Variants in IQGAP2 observed in about 807,000 individuals in gnomAD.
IQGAP2 encodes ras GTPase-activating-like protein IQGAP2.
Under a neutral mutation model 201.3 loss-of-function variants are expected in IQGAP2, and 173 were observed. That is an observed-to-expected ratio of 0.86 (90% CI 0.76 to 0.98). The LOEUF is 0.98. Among genes scored for constraint, IQGAP2 ranks in the 50% least tolerant of loss-of-function variants. The pLI is 0.00. For synonymous variants in IQGAP2, 675 were observed against 673.9 expected (o/e 1.00, Z -0.03); for missense variants, 1,687 against 1,864.8 (o/e 0.90, Z 1.76).
At chr5:76,453,403 TA>T (rs1380707526) in intron 1 of IQGAP2, among the ~76,000 whole-genome samples, 1 of 152,262 alleles carries the variant, frequency 6.6e-6, no homozygotes, top group African/African-American at 2.4e-5. Context: ...AACCCACTTG[TA>T]ACCAAGAGAT....
intron 2 of IQGAP2, among the ~76,000 whole-genome samples, chr5:76,518,986 C>T (rs1225904810): frequency 6.6e-6 from 1 of 152,128 alleles, no homozygotes; most frequent in African/African-American, 2.4e-5. Flanking sequence ...GCTCCCATAC[C>T]AGAGAAGATG....
intron 2 of IQGAP2, among the ~76,000 whole-genome samples, chr5:76,480,621 A>G (rs1755717725): frequency 6.6e-6 from 1 of 152,136 alleles, no homozygotes; most frequent in African/African-American, 2.4e-5. Flanking sequence ...CTTCCATATT[A>G]TTGTTCTGTA....
At chr5:76,430,234 C>T (rs1207628376) in intron 1 of IQGAP2, among the ~76,000 whole-genome samples, 9 of 109,766 alleles carry the variant, frequency 8.2e-5, no homozygotes, top group African/African-American at 3.0e-4. Flanking sequence ...GTCAGGAATC[C>T]AGACAGGGCA....
intron 2 of IQGAP2, among the ~76,000 whole-genome samples, chr5:76,486,820 C>T (rs1284527754): frequency 1.3e-5 from 2 of 152,140 alleles, no homozygotes; most frequent in East Asian, 3.9e-4. Flanking sequence ...CCATTACAAG[C>T]TCAGTTATAA....
At chr5:76,597,386 G>A (rs1747107164) in intron 9 of IQGAP2, 53 bp from the exon 10 acceptor site, 14 of 1,583,244 alleles carry the variant, frequency 8.8e-6, no homozygotes, top group Admixed American at 1.7e-5. Flanking sequence ...GGTTGGGTGA[G>A]ACTGCAGTGG....
intron 2 of IQGAP2, among the ~76,000 whole-genome samples, chr5:76,532,364 C>T (rs988858184): frequency 1.3e-5 from 2 of 151,472 alleles, no homozygotes; most frequent in African/African-American, 4.9e-5. Context: ...AGAAAAAAAA[C>T]CCATATGGAT....
chr5:76,523,582 A>G (rs538256600), intron 2 of IQGAP2, among the ~76,000 whole-genome samples: 1 of 152,304 alleles, frequency 6.6e-6, no homozygotes, highest in South Asian at 2.1e-4. Flanking sequence ...TGTTACAAGT[A>G]TAGTGTGTGG....
intron 2 of IQGAP2, among the ~76,000 whole-genome samples, chr5:76,507,928 G>A (rs541118924): frequency 2.1e-5 from 3 of 146,340 alleles, no homozygotes; most frequent in Non-Finnish European, 3.0e-5. Flanking sequence ...AGAATTGCTC[G>A]AACCTGGGAG....
At chr5:76,453,480 C>G (rs1369622498) in intron 1 of IQGAP2, among the ~76,000 whole-genome samples, 1 of 152,090 alleles carries the variant, frequency 6.6e-6, no homozygotes, top group African/African-American at 2.4e-5. Context: ...TCCTAATAGT[C>G]AAGGGAAAAT....
At chr5:76,499,319 C>T (rs980696698) in intron 2 of IQGAP2, among the ~76,000 whole-genome samples, 1 of 152,212 alleles carries the variant, frequency 6.6e-6, no homozygotes, top group African/African-American at 2.4e-5. Flanking sequence ...CTTTCTGCCC[C>T]TCTGTCTTTG....
At chr5:76,457,513 TA>T (rs1754170629) in intron 1 of IQGAP2, among the ~76,000 whole-genome samples, 1 of 152,188 alleles carries the variant, frequency 6.6e-6, no homozygotes, top group South Asian at 2.1e-4. Context: ...TCCATCTCCA[TA>T]ATAAACTGGC....
At chr5:76,588,794 T>G (rs1746421272) in intron 5 of IQGAP2, 112 bp from the exon 6 acceptor site, 1 of 500,268 alleles carries the variant, frequency 2.0e-6, no homozygotes, top group Admixed American at 3.7e-5. Context: ...ATGAATAGAC[T>G]AGATATCTCT....
At chr5:76,496,807 C>CTCTT (rs1319351105) in intron 2 of IQGAP2, among the ~76,000 whole-genome samples, 1 of 113,590 alleles carries the variant, frequency 8.8e-6, no homozygotes, top group African/African-American at 3.5e-5. Context: ...TTCTTTCTTT[C>CTCTT]TCTTTCTTTC....
intron 2 of IQGAP2, among the ~76,000 whole-genome samples, chr5:76,468,941 T>C (rs1258079276): frequency 6.6e-6 from 1 of 152,204 alleles, no homozygotes; most frequent in Non-Finnish European, 1.5e-5. Flanking sequence ...TGACATCACA[T>C]CTATTGCATG....
At chr5:76,481,082 A>G (rs1755756855) in intron 2 of IQGAP2, among the ~76,000 whole-genome samples, 1 of 152,166 alleles carries the variant, frequency 6.6e-6, no homozygotes, top group Non-Finnish European at 1.5e-5. Context: ...CTCTGCCCTC[A>G]TGACTTAATC....
chr5:76,423,247 TG>T (rs1274504382), intron 1 of IQGAP2, among the ~76,000 whole-genome samples: 3 of 152,238 alleles, frequency 2.0e-5, no homozygotes, highest in African/African-American at 7.2e-5. Context: ...AACAGCGATG[TG>T]CATTGCCAGG....
intron 2 of IQGAP2, among the ~76,000 whole-genome samples, chr5:76,506,449 A>G (rs1757611797): frequency 6.6e-6 from 1 of 152,212 alleles, no homozygotes; most frequent in African/African-American, 2.4e-5. Context: ...AGTTAATGGG[A>G]AAAATATTGA....
At chr5:76,707,057 G>T in intron 35 of IQGAP2, 143 bp from the exon 36 acceptor site, 1 of 602,500 alleles carries the variant, frequency 1.7e-6, no homozygotes. Context: ...AGGAGTTTGA[G>T]ACCAACCTGG....
intron 13 of IQGAP2, chr5:76,617,710 T>G: frequency 6.2e-7 from 1 of 1,614,136 alleles, no homozygotes; most frequent in Non-Finnish European, 8.5e-7. Context: ...AAGCCATCAG[T>G]GTTGTTGTAG....
Sources: allele counts gnomAD v4.1 joint callset (sites outside exome capture counted in the v4.1 genomes callset), GRCh38; gene constraint gnomAD v4.1.1; transcripts MANE v1.5; gene names NCBI Gene and HGNC (gene_info 2026-07-23, HGNC 2026-07-21).